The following MACROD2 variants were observed in gnomAD, a reference collection of about 807,000 sequenced individuals.
MACROD2 encodes the protein ADP-ribose glycohydrolase MACROD2.
A neutral mutation model predicts 70.4 loss-of-function variants in MACROD2; 36 were observed. The ratio of observed to expected loss-of-function variants is 0.51; its 90% CI spans 0.39 to 0.68. MACROD2 has a LOEUF of 0.68. Ranked by LOEUF, MACROD2 falls within the 30% of genes least tolerant of loss-of-function variation. The pLI is 0.00. For missense variants in MACROD2, 496 were observed against 538.4 expected, an observed-to-expected ratio of 0.92 and a Z score of 0.78; for synonymous variants, 172 against 178.8, an observed-to-expected ratio of 0.96 and a Z score of 0.30.
At chr20:15,010,449 G>T (rs528780719) in intron 5 of MACROD2, among the ~76,000 whole-genome samples, 1 of 152,196 alleles carries the variant, frequency 6.6e-6, no homozygotes, top group East Asian at 1.9e-4. Flanking sequence ...CTATAGCCGT[G>T]GTAGGCACTC....
In MACROD2 at chr20:14,323,740, A is replaced by C. The variant is rs186601695; in HGVS notation, c.272-169739A>C. On this transcript the variant is annotated intron_variant, in intron 3 of 17. Coordinates refer to ENST00000684519, the MANE Select transcript of MACROD2 (RefSeq NM_001351661.2). Reference sequence around the variant, plus strand: ...ATTTTAGGAGTTGTATGCCAGAAACAGGGACAAAGAGAAAGTGTGTATTTC... The same window carrying C: ...ATTTTAGGAGTTGTATGCCAGAAACCGGGACAAAGAGAAAGTGTGTATTTC... 25 of 152,310 alleles carry C rather than the reference A, an allele frequency of 1.6e-4. 1 individual carries two copies. The highest frequency in any genetic ancestry group is 5.3e-4 in the African/African-American group (22 of 41,578). 9.4% of individuals were successfully genotyped at this position (152,310 alleles called of 1,614,324 possible). A position where few individuals can be genotyped will look rare whatever the true frequency, so the allele number is the denominator to read the frequency against.
chr20:16,029,104 G>A (rs2067119273), intron 15 of MACROD2, among the ~76,000 whole-genome samples: 1 of 152,154 alleles, frequency 6.6e-6, no homozygotes, highest in Non-Finnish European at 1.5e-5. Context: ...GCATGGCAGA[G>A]CAGAGAGAGA....
intron 3 of MACROD2, among the ~76,000 whole-genome samples, chr20:14,134,562 T>C (rs2054765170): frequency 6.6e-6 from 1 of 152,104 alleles, no homozygotes. Flanking sequence ...ATCCCAGCAC[T>C]TTGGGAGGCC....
At chr20:15,260,588 C>G (rs769328633) in intron 6 of MACROD2, among the ~76,000 whole-genome samples, 1 of 151,850 alleles carries the variant, frequency 6.6e-6, no homozygotes, top group Non-Finnish European at 1.5e-5. Context: ...GTGCAAATAT[C>G]TCTCTGATAC....
chr20:15,465,239 A>T (rs757307867), intron 7 of MACROD2, among the ~76,000 whole-genome samples: 11 of 152,260 alleles, frequency 7.2e-5, no homozygotes, highest in Non-Finnish European at 1.5e-4. Context: ...TATTTAAAGT[A>T]TAAATGCTAT....
intron 4 of MACROD2, among the ~76,000 whole-genome samples, chr20:14,660,009 C>A (rs1233303231): frequency 6.6e-6 from 1 of 152,102 alleles, no homozygotes; most frequent in African/African-American, 2.4e-5. Context: ...AAGGTTATAA[C>A]CTGGTCTGTC....
rs3045609 is a variant in MACROD2, at chr20:14,789,460, A to ATTTTTTTTTTTTTT, written c.418+104520_418+104533dup. On this transcript the variant is annotated intron_variant, in intron 5 of 17. Coordinates refer to ENST00000684519, the MANE Select transcript of MACROD2 (RefSeq NM_001351661.2). ...CTTGTGGATTAATCAGGTAGTGCAA[A>ATTTTTTTTTTTTTT]TTTTTTTTTTTTTTTTTTTTTTTTT... Among the ~76,000 whole-genome samples the ATTTTTTTTTTTTTT allele has an allele frequency of 3.0e-3, 143 of 48,342 alleles. 25 individuals carry two copies. The highest frequency in any genetic ancestry group is 3.1e-3 in the Non-Finnish European group (87 of 27,700). The allele number at this position is 48,342 out of a possible 152,430, so 31.7% of individuals were successfully genotyped here.
At chr20:14,716,827 TTC>T (rs147630721) in intron 5 of MACROD2, among the ~76,000 whole-genome samples, 1,989 of 152,266 alleles carry the variant, frequency 0.013, 47 homozygotes, top group African/African-American at 0.045. Flanking sequence ...AGCTTCCTAG[TTC>T]TGCTGTATGC....
At chr20:15,937,379 CT>C in intron 11 of MACROD2, 96 bp from the exon 12 acceptor site, 2 of 1,071,612 alleles carry the variant, frequency 1.9e-6, no homozygotes, top group South Asian at 2.5e-5. Context: ...CTCATGCTTT[CT>C]TTGGTGGAGA....
chr20:15,639,390 A>G (rs958620162), intron 8 of MACROD2, among the ~76,000 whole-genome samples: 4 of 152,160 alleles, frequency 2.6e-5, no homozygotes, highest in African/African-American at 9.7e-5. Flanking sequence ...AGTGAAAAAT[A>G]TATCAGTCTT....
At chr20:14,767,314 G>A (rs2123763515) in intron 5 of MACROD2, among the ~76,000 whole-genome samples, 1 of 152,154 alleles carries the variant, frequency 6.6e-6, no homozygotes, top group Non-Finnish European at 1.5e-5. Context: ...GGTATAAAAG[G>A]ATTAATTTTT....
intron 8 of MACROD2, among the ~76,000 whole-genome samples, chr20:15,764,290 G>T (rs1487324342): frequency 6.6e-6 from 1 of 152,096 alleles, no homozygotes; most frequent in African/African-American, 2.4e-5. Context: ...GATGAACACT[G>T]TCACATATCA....
At chr20:14,728,382 T>G (rs1309814767) in intron 5 of MACROD2, among the ~76,000 whole-genome samples, 1 of 152,176 alleles carries the variant, frequency 6.6e-6, no homozygotes, top group East Asian at 1.9e-4. Flanking sequence ...CTATTTGAAT[T>G]ATTATTTTCT....
At chr20:15,658,597 C>T (rs1199315200) in intron 8 of MACROD2, among the ~76,000 whole-genome samples, 2 of 152,192 alleles carry the variant, frequency 1.3e-5, no homozygotes, top group Non-Finnish European at 2.9e-5. Flanking sequence ...GACCAGTGGT[C>T]ATCGTGTCAG....
chr20:14,116,606 ATAAAG>A (rs1182907961), intron 3 of MACROD2, among the ~76,000 whole-genome samples: 2 of 152,226 alleles, frequency 1.3e-5, no homozygotes, highest in African/African-American at 4.8e-5. Flanking sequence ...AATAATGTAA[ATAAAG>A]TAAGAAGAAA....
At chr20:15,523,540 G>C (rs994716035) in intron 8 of MACROD2, among the ~76,000 whole-genome samples, 7 of 152,032 alleles carry the variant, frequency 4.6e-5, no homozygotes, top group African/African-American at 1.4e-4. Context: ...AGGGAAAGAA[G>C]CTGCACACAC....
chr20:15,136,374 G>A (rs1296641549), intron 5 of MACROD2, among the ~76,000 whole-genome samples: 11 of 151,744 alleles, frequency 7.2e-5, no homozygotes, highest in East Asian at 1.9e-4. Context: ...ATATAGATCA[G>A]TGGAACAGAA....
intron 5 of MACROD2, among the ~76,000 whole-genome samples, chr20:14,857,133 A>G (rs149490603): frequency 2.6e-5 from 4 of 152,188 alleles, no homozygotes; most frequent in African/African-American, 7.2e-5. Context: ...CTGCTCCCCA[A>G]TCCCATAAAC....
At chr20:15,581,514 A>G (rs896167437) in intron 8 of MACROD2, among the ~76,000 whole-genome samples, 4 of 152,228 alleles carry the variant, frequency 2.6e-5, no homozygotes, top group East Asian at 3.8e-4. Flanking sequence ...GTATCCTTAT[A>G]TGATGAATGT....
Sources: allele counts gnomAD v4.1 joint callset (sites outside exome capture counted in the v4.1 genomes callset), GRCh38; gene constraint gnomAD v4.1.1; transcripts MANE v1.5; gene names NCBI Gene and HGNC (gene_info 2026-07-23, HGNC 2026-07-21).